Variants in GULP1 observed in about 807,000 individuals in gnomAD.
GULP1 encodes the protein GULP PTB domain containing engulfment adaptor 1.
Under a neutral mutation model 40.9 loss-of-function variants are expected in GULP1, and 19 were observed. The observed-to-expected ratio is 0.46, with a 90% CI of 0.32 to 0.68. The LOEUF is 0.68. Ranked by LOEUF, GULP1 falls within the 30% of genes least tolerant of loss-of-function variation. The probability of loss-of-function intolerance (pLI) is 0.03; values close to 1 mark genes in which losing one functional copy is unlikely to be tolerated. For missense variants in GULP1, 312 were observed against 362.2 expected (o/e 0.86, Z 1.12); for synonymous variants, 119 against 117.6 (o/e 1.01, Z -0.08).
intron 4 of GULP1, among the ~76,000 whole-genome samples, chr2:188,520,212 T>C (rs1178189110): frequency 6.6e-6 from 1 of 152,148 alleles, no homozygotes; most frequent in Non-Finnish European, 1.5e-5. Context: ...CTAGGGCCTC[T>C]TAACAATTTG....
At chr2:188,390,031 G>A (rs1231976991) in intron 2 of GULP1, among the ~76,000 whole-genome samples, 1 of 151,808 alleles carries the variant, frequency 6.6e-6, no homozygotes, top group Non-Finnish European at 1.5e-5. Flanking sequence ...TTGGTCCATG[G>A]GCACTTAAGT....
intron 4 of GULP1, among the ~76,000 whole-genome samples, chr2:188,500,884 T>C (rs984150934): frequency 2.6e-5 from 4 of 152,056 alleles, no homozygotes; most frequent in Middle Eastern, 3.4e-3. Context: ...AGGTTAGAGA[T>C]TGATCATTAG....
intron 2 of GULP1, among the ~76,000 whole-genome samples, chr2:188,401,571 G>A (rs560934729): frequency 1.7e-3 from 261 of 152,122 alleles, no homozygotes; most frequent in African/African-American, 4.2e-3. Context: ...TTCAAAGATT[G>A]AGCATCTTTT....
At chr2:188,444,014 C>T (rs2058172856) in intron 2 of GULP1, among the ~76,000 whole-genome samples, 1 of 151,994 alleles carries the variant, frequency 6.6e-6, no homozygotes, top group Admixed American at 6.6e-5. Flanking sequence ...CTGTGGCATC[C>T]TATTTTCTTT....
intron 7 of GULP1, among the ~76,000 whole-genome samples, chr2:188,551,007 A>G (rs1559369681): frequency 6.6e-6 from 1 of 151,604 alleles, no homozygotes; most frequent in Non-Finnish European, 1.5e-5. Flanking sequence ...GAATTGGCTT[A>G]TTATGACAAC....
intron 2 of GULP1, among the ~76,000 whole-genome samples, chr2:188,398,805 GT>G (rs1360286707): frequency 1.3e-5 from 2 of 152,046 alleles, no homozygotes; most frequent in African/African-American, 4.8e-5. Flanking sequence ...AGAAAATTTA[GT>G]TTGGTGAAAA....
intron 6 of GULP1, among the ~76,000 whole-genome samples, chr2:188,532,447 G>A (rs922885708): frequency 1.3e-5 from 2 of 152,098 alleles, no homozygotes; most frequent in Non-Finnish European, 2.9e-5. Context: ...TACCACCTAC[G>A]TTTATAGGGT....
chr2:188,331,966 T>C (rs566930307), intron 1 of GULP1, among the ~76,000 whole-genome samples: 12 of 152,128 alleles, frequency 7.9e-5, no homozygotes, highest in Non-Finnish European at 1.6e-4. Flanking sequence ...CCACTACTTA[T>C]CATAAAGATG....
In GULP1 at chr2:188,557,975, C is replaced by T. The variant is rs371098685; in HGVS notation, c.400-11264C>T. ...GGGGCCATGGGCCTGGCCCATGAAA[C>T]CATTCTTCCCTCCTAGGAAGCCTGC... On this transcript the variant is annotated intron_variant, in intron 7 of 11. Coordinates refer to ENST00000409830, the MANE Select transcript of GULP1 (RefSeq NM_016315.4). Among the ~76,000 whole-genome samples, 14 of 152,268 alleles carry T rather than the reference C, an allele frequency of 9.2e-5. No individual in the cohort carries two copies. The East Asian group carries it at 2.7e-3, about 30-fold the overall frequency.
intron 1 of GULP1, among the ~76,000 whole-genome samples, chr2:188,336,139 GA>G (rs1356063223): frequency 1.3e-5 from 2 of 152,146 alleles, no homozygotes; most frequent in African/African-American, 4.8e-5. Context: ...CTTGGACTTA[GA>G]AATGTATAAT....
At chr2:188,570,914 T>C (rs545625027) in intron 9 of GULP1, among the ~76,000 whole-genome samples, 2 of 152,142 alleles carry the variant, frequency 1.3e-5, no homozygotes, top group Non-Finnish European at 2.9e-5. Flanking sequence ...TCCCAACATT[T>C]TGGGAGGCCA....
chr2:188,366,689 G>C (rs2046845084), intron 1 of GULP1, among the ~76,000 whole-genome samples: 1 of 149,506 alleles, frequency 6.7e-6, no homozygotes. Flanking sequence ...CGCCTCCCAG[G>C]TTCATGCCAT....
intron 1 of GULP1, among the ~76,000 whole-genome samples, chr2:188,354,365 C>T (rs2044956498): frequency 6.6e-6 from 1 of 152,180 alleles, no homozygotes; most frequent in South Asian, 2.1e-4. Flanking sequence ...TGAAGGTTTG[C>T]ACCTGGGGAG....
chr2:188,318,444 C>T (rs2039459611), intron 1 of GULP1, among the ~76,000 whole-genome samples: 1 of 152,004 alleles, frequency 6.6e-6, no homozygotes, highest in African/African-American at 2.4e-5. Flanking sequence ...TGATGGTATT[C>T]AATTGTTCTT....
intron 4 of GULP1, among the ~76,000 whole-genome samples, chr2:188,485,795 A>G (rs764586871): frequency 5.3e-5 from 8 of 152,072 alleles, no homozygotes; most frequent in Non-Finnish European, 7.4e-5. Flanking sequence ...AGTTAGTGCT[A>G]CAACAGTGTC....
intron 6 of GULP1, among the ~76,000 whole-genome samples, chr2:188,530,535 A>C (rs763570774): frequency 6.6e-6 from 1 of 152,170 alleles, no homozygotes; most frequent in Non-Finnish European, 1.5e-5. Flanking sequence ...TGAGATTTTA[A>C]GGGTGGGGCC....
At chr2:188,582,338 C>G (rs1216010565) in intron 9 of GULP1, 1 of 470,848 alleles carries the variant, frequency 2.1e-6, no homozygotes, top group Non-Finnish European at 4.4e-6. Context: ...CATTCCTTTA[C>G]AGCTGCTGCA....
intron 4 of GULP1, among the ~76,000 whole-genome samples, chr2:188,498,974 C>T (rs2063160442): frequency 6.6e-6 from 1 of 151,098 alleles, no homozygotes; most frequent in Admixed American, 6.6e-5. Context: ...CATGTGGAGT[C>T]AAATTAGACA....
intron 2 of GULP1, among the ~76,000 whole-genome samples, chr2:188,418,900 G>T (rs2054964539): frequency 6.6e-6 from 1 of 152,036 alleles, no homozygotes. Context: ...GCAGGGCCTG[G>T]CAACCATAGT....
Sources: allele counts gnomAD v4.1 joint callset (sites outside exome capture counted in the v4.1 genomes callset), GRCh38; gene constraint gnomAD v4.1.1; transcripts MANE v1.5; gene names NCBI Gene and HGNC (gene_info 2026-07-23, HGNC 2026-07-21).